CLASP1: variants seen among roughly 807,000 people sequenced by gnomAD.
CLASP1 encodes the protein cytoplasmic linker associated protein 1.
A neutral mutation model predicts 192.3 loss-of-function variants in CLASP1; 38 were observed. The observed-to-expected ratio is 0.20, with a 90% confidence interval of 0.15 to 0.26. The LOEUF is 0.26. Ranked by LOEUF, CLASP1 falls within the 10% of genes least tolerant of loss-of-function variation. The probability of loss-of-function intolerance (pLI) is 1.00; values close to 1 mark genes in which losing one functional copy is unlikely to be tolerated. For synonymous variants in CLASP1, 691 were observed against 712.8 expected, an observed-to-expected ratio of 0.97 and a Z score of 0.49; for missense variants, 1,433 against 1,932.5, an observed-to-expected ratio of 0.74 and a Z score of 4.85.
intron 2 of CLASP1, among the ~76,000 whole-genome samples, chr2:121,538,408 G>T (rs1242681160): frequency 6.6e-6 from 1 of 150,912 alleles, no homozygotes; most frequent in African/African-American, 2.4e-5. Context: ...GCAAAACTCC[G>T]TCTCAAAAAA....
At position 121,449,042 on chromosome 2, in the gene CLASP1, T is replaced by C. The variant is rs374803325; in HGVS notation, c.1602A>G (p.Lys534=). The C allele has an allele frequency of 1.4e-5, 22 of 1,613,866 alleles. No homozygotes were observed. In the African/African-American group the frequency reaches 1.6e-4, roughly 12 times the overall value. Residue 534 remains lysine (K), a synonymous_variant, in exon 17 of 40, where the codon AAA becomes AAG. Coordinates refer to ENST00000263710, the Ensembl canonical transcript of CLASP1. ...AGTTCTTCAGGTGGGACTGCAGGGCTTTCTGGTAGGAGGACTCCAAGGTGT... is the reference window on the plus strand; with the variant it reads ...AGTTCTTCAGGTGGGACTGCAGGGCCTTCTGGTAGGAGGACTCCAAGGTGT...
chr2:121,423,021 G>GTATA (rs2079775370), intron 22 of CLASP1, among the ~76,000 whole-genome samples: 1 of 151,832 alleles, frequency 6.6e-6, no homozygotes, highest in African/African-American at 2.4e-5. Context: ...AATGATAATA[G>GTATA]TAATATATAA....
intron 2 of CLASP1, among the ~76,000 whole-genome samples, chr2:121,552,471 T>A (rs1368186029): frequency 6.6e-6 from 1 of 152,078 alleles, no homozygotes. Context: ...CCAGCATCTA[T>A]AAGAAACTTT....
At chr2:121,462,661 A>G (rs1008857669) in intron 9 of CLASP1, 56 bp from the exon 10 acceptor site, 1 of 990,070 alleles carries the variant, frequency 1.0e-6, no homozygotes, top group African/African-American at 1.6e-5. Context: ...TATAACACAT[A>G]CACTGAAGAA....
chr2:121,545,037 G>A (rs761859390), intron 2 of CLASP1, among the ~76,000 whole-genome samples: 17 of 151,762 alleles, frequency 1.1e-4, no homozygotes, highest in Admixed American at 6.6e-5. Flanking sequence ...TCAGCCTCCC[G>A]AGTAGCTGGG....
At position 121,407,730 on chromosome 2, in the gene CLASP1, G is replaced by C. The variant is rs745661398; in HGVS notation, c.2425-15C>G. 1 of 1,613,610 alleles carries C rather than the reference G, an allele frequency of 6.2e-7. No homozygotes were observed. Among genetic ancestry groups the C allele is most frequent in the Non-Finnish European group, 8.5e-7 (1 of 1,179,712 alleles). On this transcript the variant is annotated splice_polypyrimidine_tract_variant and intron_variant, in intron 24 of 39. Transcript: ENST00000263710. The stretch of plus-strand genomic sequence containing the variant: ...ACAGGCTTCTTCTGACAGGTCCAAT[G>C]AGGGATGGGAGTGATTGAGGAAGAA...
chr2:121,461,140 T>C (rs369884466), exon 11 of CLASP1: 69 of 1,607,492 alleles, frequency 4.3e-5, no homozygotes, highest in Non-Finnish European at 2.7e-5. Context: ...TGTCATCAGA[T>C]AATATTTCCC....
chr2:121,490,411 G>A, intron 8 of CLASP1: 7 of 331,668 alleles, frequency 2.1e-5, no homozygotes, highest in South Asian at 1.6e-4. Context: ...CAGCACCAAT[G>A]ACAACTGCCA....
At chr2:121,501,233 A>G (rs1380582145) in intron 8 of CLASP1, among the ~76,000 whole-genome samples, 1 of 152,202 alleles carries the variant, frequency 6.6e-6, no homozygotes, top group Admixed American at 6.5e-5. Flanking sequence ...GTTCTGTCCT[A>G]GTGCCAACAA....
intron 8 of CLASP1, among the ~76,000 whole-genome samples, chr2:121,492,389 CAAA>C (rs761378692): frequency 5.3e-5 from 2 of 37,924 alleles, no homozygotes; most frequent in Non-Finnish European, 9.4e-5. Flanking sequence ...ACTCCCTCTC[CAAA>C]AAAAAAAAAA....
At chr2:121,416,518 T>C (rs1043352670) in intron 23 of CLASP1, among the ~76,000 whole-genome samples, 3 of 152,094 alleles carry the variant, frequency 2.0e-5, no homozygotes, top group East Asian at 1.9e-4. Context: ...ATTATTAAAA[T>C]GAATGAGCTA....
chr2:121,577,633 C>T (rs2060654484), intron 2 of CLASP1, among the ~76,000 whole-genome samples: 2 of 152,100 alleles, frequency 1.3e-5, no homozygotes, highest in Admixed American at 6.5e-5. Flanking sequence ...CACTGACCCA[C>T]GTAATTCTTT....
At chr2:121,409,259 CCTT>C (rs1234125578) in intron 24 of CLASP1, among the ~76,000 whole-genome samples, 4 of 152,200 alleles carry the variant, frequency 2.6e-5, no homozygotes, top group African/African-American at 4.8e-5. Flanking sequence ...TCTCAGAAGA[CCTT>C]CTGGTAACTT....
In CLASP1 at chr2:121,527,790, C is replaced by G. The variant is rs375621065; in HGVS notation, c.470+9G>C. On this transcript the variant is annotated intron_variant, in intron 5 of 39. Coordinates refer to ENST00000263710, the Ensembl canonical transcript of CLASP1. ...CCACGTAAAAATGTCAGGCTCATCCCAGACTTACGCATTGAGTGTTGCTAT... is the reference window on the plus strand; with the variant it reads ...CCACGTAAAAATGTCAGGCTCATCCGAGACTTACGCATTGAGTGTTGCTAT... 26 of 1,602,294 alleles carry G rather than the reference C, an allele frequency of 1.6e-5. No individual in the cohort carries two copies. Among genetic ancestry groups the G allele is most frequent in the Non-Finnish European group, 2.0e-5 (24 of 1,172,058 alleles).
intron 13 of CLASP1, among the ~76,000 whole-genome samples, chr2:121,458,258 C>T (rs2087112837): frequency 6.6e-6 from 1 of 152,066 alleles, no homozygotes; most frequent in South Asian, 2.1e-4. Context: ...TGCCTCTGGG[C>T]AAAAATGACT....
At chr2:121,419,726 A>G (rs894674462) in intron 22 of CLASP1, among the ~76,000 whole-genome samples, 2 of 152,172 alleles carry the variant, frequency 1.3e-5, no homozygotes, top group African/African-American at 4.8e-5. Context: ...ATGGAAATAC[A>G]TTACTGGGAA....
At position 121,530,949 on chromosome 2, in the gene CLASP1, G is replaced by A. The variant is rs769219094; in HGVS notation, c.196-624C>T. The A allele has an allele frequency of 4.4e-4, 307 of 700,386 alleles. No homozygotes were observed. Among genetic ancestry groups the A allele is most frequent in the Middle Eastern group, 1.1e-3 (3 of 2,738 alleles). The allele number at this position is 700,386 out of a possible 1,614,324, so 43.4% of individuals were successfully genotyped here. On this transcript the variant is annotated intron_variant, in intron 2 of 39. Transcript: ENST00000263710. ...AGTGAGGGCAGTACTGCTAACGCCT[G>A]AACAACACACCCGCATCAACTAGAG...
At position 121,447,525 on chromosome 2, in the gene CLASP1, G is replaced by A. The variant is rs2084587494; in HGVS notation, c.1742-18C>T. On this transcript the variant is annotated intron_variant, in intron 18 of 39. Coordinates refer to ENST00000263710, the Ensembl canonical transcript of CLASP1. ...TGTAGAAGCTTTAGTGATAAAGGAG[G>A]AAATATGAATAAGGACTACATAGAA... 4 of 1,542,528 alleles carry A rather than the reference G, an allele frequency of 2.6e-6. No homozygotes were observed. Among genetic ancestry groups the A allele is most frequent in the African/African-American group, 1.4e-5 (1 of 72,712 alleles).
At chr2:121,618,129 C>T (rs931211123) in intron 1 of CLASP1, among the ~76,000 whole-genome samples, 2 of 152,176 alleles carry the variant, frequency 1.3e-5, no homozygotes, top group African/African-American at 4.8e-5. Context: ...GCAATTCTAC[C>T]ACGTATTTAC....
Sources: gnomAD v4.1 joint callset for allele counts (sites outside exome capture counted in the v4.1 genomes callset) on GRCh38, gnomAD v4.1.1 for gene constraint, MANE v1.5 for transcripts, NCBI Gene and HGNC (gene_info 2026-07-23, HGNC 2026-07-21) for gene names.